Variants in STK10 observed in about 807,000 individuals in gnomAD.
STK10 encodes the protein serine/threonine kinase 10.
Under a neutral mutation model 113.8 loss-of-function variants are expected in STK10, and 78 were observed. That is an observed-to-expected ratio of 0.69 (90% CI 0.57 to 0.83). STK10 has a LOEUF of 0.83. STK10 is among the 40% of genes least tolerant of loss of function. STK10 has a pLI of 0.00. For missense variants in STK10, 1,109 were observed against 1,280.1 expected, an observed-to-expected ratio of 0.87 and a Z score of 2.04; for synonymous variants, 465 against 494.7, an observed-to-expected ratio of 0.94 and a Z score of 0.80.
intron 18 of STK10, among the ~76,000 whole-genome samples, chr5:172,048,080 G>C (rs1581128106): frequency 6.6e-6 from 1 of 152,022 alleles, no homozygotes; most frequent in South Asian, 2.1e-4. Flanking sequence ...TTTCTGTGAT[G>C]GTTAATTTTA....
At position 172,087,623 on chromosome 5, in the gene STK10, ATTT is replaced by A. The variant is rs1203616701; in HGVS notation, c.1685+2606_1685+2608del. On this transcript the variant is annotated intron_variant, in intron 10 of 18. Coordinates refer to ENST00000176763, the MANE Select transcript of STK10 (RefSeq NM_005990.4). ...ATTTTTTAAATTTATTTACTTATTT[ATTT>A]TTTTTTTTTTTTTGAGACGGAGTCT... 9.9e-4 allele frequency among the ~76,000 whole-genome samples: 84 copies of A among 85,158 alleles called. 11 individuals carry two copies. Among genetic ancestry groups the A allele is most frequent in the African/African-American group, 4.7e-3 (80 of 17,192 alleles). 55.9% of individuals were successfully genotyped at this position (85,158 alleles called of 152,430 possible).
intron 1 of STK10, among the ~76,000 whole-genome samples, chr5:172,158,323 T>G (rs865893217): frequency 3.3e-5 from 5 of 151,892 alleles, no homozygotes; most frequent in Middle Eastern, 3.4e-3. Context: ...GAGATATTTA[T>G]ATACTCATAG....
intron 13 of STK10, chr5:172,064,232 C>T (rs549895099): frequency 3.1e-5 from 5 of 160,484 alleles, no homozygotes; most frequent in Admixed American, 1.8e-4. Flanking sequence ...AATATACATA[C>T]CATGCTTCTG....
At chr5:172,106,893 A>T in intron 5 of STK10, 79 bp from the exon 6 acceptor site, 1 of 1,392,102 alleles carries the variant, frequency 7.2e-7, no homozygotes. Context: ...GTCAAGGGCC[A>T]CCACGAGCCA....
Position 172,053,001 on chromosome 5 carries a change from T to C in STK10, c.2694A>G (p.Lys898=), listed in dbSNP as rs1271526647. ...CHLLVEHETQ[K]LKALDESHNQ... ...TATGGCTCTCATCCAGGGCCTTCAGTTTCTGGGTTTCGTGCTCTACCAGGA... is the reference window on the plus strand; with the variant it reads ...TATGGCTCTCATCCAGGGCCTTCAGCTTCTGGGTTTCGTGCTCTACCAGGA... Residue 898 remains lysine, a synonymous_variant, in exon 18 of 19, where the codon AAA becomes AAG. Transcript: ENST00000176763. 1 of 1,614,210 alleles carries C rather than the reference T, an allele frequency of 6.2e-7. No homozygotes were observed. Among genetic ancestry groups the C allele is most frequent in the South Asian group, 1.1e-5 (1 of 91,090 alleles).
At chr5:172,155,562 C>T (rs1172258131) in intron 2 of STK10, among the ~76,000 whole-genome samples, 1 of 150,528 alleles carries the variant, frequency 6.6e-6, no homozygotes, top group Non-Finnish European at 1.5e-5. Context: ...CCAAAGATGT[C>T]CATCACAGAG....
chr5:172,142,240 G>A (rs1051685804), intron 2 of STK10, among the ~76,000 whole-genome samples: 3 of 152,092 alleles, frequency 2.0e-5, no homozygotes, highest in African/African-American at 4.8e-5. Context: ...CTACACAAAC[G>A]TCTTTAGAGC....
Position 172,082,620 on chromosome 5 carries a change from C to T in STK10, c.1810-115G>A. ...TGTGATCAGACCTAAGCTTGAATCC[C>T]AGCTCTACTACCCCGTTGCTGTGTG... is the stretch of plus-strand genomic sequence containing the variant. On this transcript the variant is annotated intron_variant, in intron 11 of 18. Transcript: ENST00000176763. This position sits in a 1 kb window ranked among gnomAD's most constrained non-coding sequence, Gnocchi z 4.3. The T allele has an allele frequency of 1.5e-6, 2 of 1,314,818 alleles. No homozygotes were observed. Among genetic ancestry groups the T allele is most frequent in the Non-Finnish European group, 2.0e-6 (2 of 976,520 alleles). 81.4% of individuals were successfully genotyped at this position (1,314,818 alleles called of 1,614,324 possible). A position where few individuals can be genotyped will look rare whatever the true frequency, so the allele number is the denominator to read the frequency against.
At chr5:172,157,627 G>A (rs189479927) in intron 1 of STK10, among the ~76,000 whole-genome samples, 1 of 152,124 alleles carries the variant, frequency 6.6e-6, no homozygotes, top group Admixed American at 6.5e-5. Flanking sequence ...GTCTCACTCT[G>A]TCGCCCAGGC....
Position 172,093,870 on chromosome 5 carries a change from G to T in STK10, c.1096C>A (p.Leu366Met). Residue 366 changes from leucine (L) to methionine (M), a missense_variant, in exon 9 of 19, where the codon CTG becomes ATG. Around this residue, in one of 5 missense-constraint regions of STK10, gnomAD observed 885 missense variants for 991.1 expected, o/e 0.89. Coordinates refer to ENST00000176763, the MANE Select transcript of STK10 (RefSeq NM_005990.4). The surrounding 1 kb of genome is among the most constrained non-coding windows in gnomAD (Gnocchi z 4.1). ...KPLEESPSTP[L>M]APSQSQDSVN... ...CTGTCCTGAGACTGGCTGGGTGCCAGCGGGGTGGAAGGTGACTCCTCGAGA... is the reference window on the plus strand; with the variant it reads ...CTGTCCTGAGACTGGCTGGGTGCCATCGGGGTGGAAGGTGACTCCTCGAGA... The T allele has an allele frequency of 6.4e-7, 1 of 1,574,622 alleles. No individual in the cohort carries two copies.
At chr5:172,154,450 G>A (rs866720230) in intron 2 of STK10, among the ~76,000 whole-genome samples, 5 of 152,106 alleles carry the variant, frequency 3.3e-5, no homozygotes, top group Non-Finnish European at 7.4e-5. Context: ...CGCTGCCCAC[G>A]CTGTCTCTCC....
chr5:172,128,241 A>G (rs1323572484), intron 2 of STK10, among the ~76,000 whole-genome samples: 5 of 150,596 alleles, frequency 3.3e-5, no homozygotes, highest in East Asian at 1.9e-4. Context: ...AAAAAAAAAA[A>G]AAAAGAAAGG....
chr5:172,104,951 T>A (rs1769064481), intron 7 of STK10, among the ~76,000 whole-genome samples: 1 of 152,122 alleles, frequency 6.6e-6, no homozygotes, highest in Non-Finnish European at 1.5e-5. Context: ...GAGAGGGCTC[T>A]GGAAGCTTGC....
At chr5:172,078,595 G>A (rs1268459313) in intron 12 of STK10, among the ~76,000 whole-genome samples, 1 of 127,238 alleles carries the variant, frequency 7.9e-6, no homozygotes, top group African/African-American at 2.9e-5. Context: ...CCGTGACTGT[G>A]CCACTGCATT....
Position 172,137,824 on chromosome 5 carries a change from G to A in STK10, c.322-10403C>T, listed in dbSNP as rs60851955. On this transcript the variant is annotated intron_variant, in intron 2 of 18. Transcript: ENST00000176763. ...AGGAGAATGGCATGAACCTGGAGGC[G>A]GAGCTTGCAGTGAGCCGAGATCACA... Among the ~76,000 whole-genome samples, 673 of 147,124 alleles carry A rather than the reference G, an allele frequency of 4.6e-3. 7 individuals are homozygous for A. Among genetic ancestry groups the A allele is most frequent in the African/African-American group, 0.016 (638 of 39,586 alleles).
intron 12 of STK10, among the ~76,000 whole-genome samples, chr5:172,072,128 A>G (rs911360609): frequency 6.6e-6 from 1 of 152,258 alleles, no homozygotes; most frequent in African/African-American, 2.4e-5. Flanking sequence ...AATATAATTT[A>G]TATCAACAGA....
At chr5:172,117,342 T>G in intron 4 of STK10, 139 bp downstream of exon 4, 1 of 865,148 alleles carries the variant, frequency 1.2e-6, no homozygotes. Context: ...AGGGGAGAAC[T>G]GCTGACATGC....
At chr5:172,184,217 G>C (rs760383782) in intron 1 of STK10, among the ~76,000 whole-genome samples, 1 of 152,184 alleles carries the variant, frequency 6.6e-6, no homozygotes, top group Non-Finnish European at 1.5e-5. Flanking sequence ...AACCAGGCCA[G>C]GGAAAACCAA....
chr5:172,132,242 G>A (rs918985071), intron 2 of STK10, among the ~76,000 whole-genome samples: 2 of 152,064 alleles, frequency 1.3e-5, no homozygotes, highest in Admixed American at 1.3e-4. Flanking sequence ...ACCCATAGGA[G>A]GATTACAGGT....
Sources: allele counts gnomAD v4.1 joint callset (sites outside exome capture counted in the v4.1 genomes callset), GRCh38; gene constraint gnomAD v4.1.1; regional missense constraint gnomAD v4.1.1; non-coding constraint Gnocchi (gnomAD v3.1); transcripts MANE v1.5; gene names NCBI Gene and HGNC (gene_info 2026-07-23, HGNC 2026-07-21).